The following FAM149B1 variants were observed in gnomAD, a reference collection of about 807,000 sequenced individuals.
FAM149B1 encodes the protein family with sequence similarity 149 member B1, also known as primary cilium assembly protein FAM149B1.
A neutral mutation model predicts 75.3 loss-of-function variants in FAM149B1; 56 were observed. That is an observed-to-expected ratio of 0.74 (90% CI 0.60 to 0.93). FAM149B1 has a LOEUF of 0.93. Ranked by LOEUF, FAM149B1 falls within the 40% of genes least tolerant of loss-of-function variation. The pLI is 0.00. For synonymous variants in FAM149B1, 259 were observed against 256.1 expected, an observed-to-expected ratio of 1.01 and a Z score of -0.11; for missense variants, 639 against 708.4, an observed-to-expected ratio of 0.90 and a Z score of 1.11.
chr10:73,182,343 T>A (rs2042420011), intron 3 of FAM149B1, among the ~76,000 whole-genome samples: 1 of 151,952 alleles, frequency 6.6e-6, no homozygotes, highest in Admixed American at 6.6e-5. Context: ...GCCTCCTGAG[T>A]AGCTGGGATT....
Position 73,224,231 on chromosome 10 carries a change from C to T in FAM149B1, c.899-3829C>T, listed in dbSNP as rs1485687717. Among the ~76,000 whole-genome samples, 4 of 152,244 alleles carry T rather than the reference C, an allele frequency of 2.6e-5. No homozygotes were observed. In the East Asian group the frequency reaches 5.8e-4, roughly 22 times the overall value. ...AACCATCCAGTCTCTGTTGCAACTA[C>T]TCAACTCTGCCCTTGTAGCATGAAA... is the stretch of plus-strand genomic sequence containing the variant. On this transcript the variant is annotated intron_variant, in intron 7 of 13. Transcript: ENST00000242505.
At chr10:73,197,936 T>C (rs2042847219) in intron 5 of FAM149B1, among the ~76,000 whole-genome samples, 1 of 152,168 alleles carries the variant, frequency 6.6e-6, no homozygotes, top group South Asian at 2.1e-4. Context: ...TACTTAGATA[T>C]ATATCCCAAC....
At chr10:73,188,762 GA>G (rs1157391034) in intron 3 of FAM149B1, among the ~76,000 whole-genome samples, 89 of 81,344 alleles carry the variant, frequency 1.1e-3, no homozygotes, top group African/African-American at 5.1e-3. Flanking sequence ...AGGAGGGAAG[GA>G]AGGAAGGAAG....
intron 5 of FAM149B1, chr10:73,200,634 A>G: frequency 1.6e-6 from 1 of 616,936 alleles, no homozygotes; most frequent in Non-Finnish European, 2.8e-6. Context: ...ACAAGTATTT[A>G]GGTTGTGTTG....
intron 5 of FAM149B1, among the ~76,000 whole-genome samples, chr10:73,202,863 T>C (rs2042972487): frequency 6.6e-6 from 1 of 152,042 alleles, no homozygotes; most frequent in African/African-American, 2.4e-5. Flanking sequence ...GCTAATTTTG[T>C]ATTTTTTGTA....
chr10:73,243,956 A>G lies in FAM149B1; in HGVS notation c.*2937A>G, dbSNP rs553467405. The G allele has an allele frequency of 8.8e-6, 14 of 1,584,898 alleles. No individual in the cohort carries two copies. The highest frequency in any genetic ancestry group is 1.7e-4 in the Middle Eastern group (1 of 5,966). On this transcript the variant is annotated 3_prime_UTR_variant, in exon 14 of 14. Transcript: ENST00000242505. Reference sequence around the variant, plus strand: ...TGAAACAGGAACTCACATGAGACTCAGGGCCACCAGGAAATGCTTAAAATA... The same window carrying G: ...TGAAACAGGAACTCACATGAGACTCGGGGCCACCAGGAAATGCTTAAAATA...
intron 12 of FAM149B1, among the ~76,000 whole-genome samples, chr10:73,237,306 G>A (rs1487108904): frequency 6.6e-6 from 1 of 152,198 alleles, no homozygotes; most frequent in Non-Finnish European, 1.5e-5. Flanking sequence ...TTGGGGTTCA[G>A]TGTGAACCCC....
intron 13 of FAM149B1, among the ~76,000 whole-genome samples, chr10:73,240,483 C>T (rs192299613): frequency 5.6e-4 from 86 of 152,218 alleles, no homozygotes; most frequent in African/African-American, 1.9e-3. Flanking sequence ...GAGGCCAAGG[C>T]GGGCGGATCA....
intron 6 of FAM149B1, 74 bp from the exon 7 acceptor site, chr10:73,210,177 A>G (rs2043156248): frequency 7.0e-6 from 7 of 995,632 alleles, no homozygotes; most frequent in Non-Finnish European, 1.0e-5. Context: ...ATTTTCAGGT[A>G]ATACACAGAC....
At position 73,184,059 on chromosome 10, in the gene FAM149B1, C is replaced by T. The variant is rs545649478; in HGVS notation, c.282+6084C>T. 9.1e-4 allele frequency among the ~76,000 whole-genome samples: 138 copies of T among 152,232 alleles called. 1 individual carries two copies. The highest frequency in any genetic ancestry group is 3.4e-3 in the Middle Eastern group (1 of 294). On this transcript the variant is annotated intron_variant, in intron 3 of 13. Transcript: ENST00000242505. ...GTCACAGGAGGCCTTGATAAGCTTT[C>T]CACACATCCACACAGGACTGACTAA...
intron 3 of FAM149B1, among the ~76,000 whole-genome samples, chr10:73,190,695 G>T (rs1234636031): frequency 6.6e-6 from 1 of 150,460 alleles, no homozygotes; most frequent in Non-Finnish European, 1.5e-5. Context: ...GATCAGATTT[G>T]CATTTTGTAA....
chr10:73,171,191 G>A (rs559492754), intron 1 of FAM149B1, among the ~76,000 whole-genome samples: 9 of 152,160 alleles, frequency 5.9e-5, no homozygotes, highest in South Asian at 2.1e-4. Flanking sequence ...TGTCTGCCTC[G>A]GTCTCCCAAA....
At chr10:73,193,909 G>A (rs1315666202) in intron 5 of FAM149B1, among the ~76,000 whole-genome samples, 1 of 152,164 alleles carries the variant, frequency 6.6e-6, no homozygotes, top group Non-Finnish European at 1.5e-5. Flanking sequence ...CCAAGGTCAA[G>A]GGGCAGGACC....
intron 9 of FAM149B1, among the ~76,000 whole-genome samples, chr10:73,231,923 G>GC (rs1554863489): frequency 1.5e-5 from 2 of 134,564 alleles, no homozygotes; most frequent in African/African-American, 6.2e-5. Context: ...GTTAGGGTGT[G>GC]TTAAAAAAAA....
intron 7 of FAM149B1, among the ~76,000 whole-genome samples, chr10:73,221,836 T>G (rs1404776332): frequency 6.6e-6 from 1 of 152,182 alleles, no homozygotes; most frequent in Non-Finnish European, 1.5e-5. Context: ...TATTCTTTTT[T>G]TTCTGTGTGT....
Position 73,228,078 on chromosome 10 carries a change from C to T in FAM149B1, c.917C>T (p.Ala306Val), listed in dbSNP as rs1326816660. 1.9e-6 allele frequency: 3 copies of T among 1,551,358 alleles called. No homozygotes were observed. The highest frequency in any genetic ancestry group is 4.9e-5 in the East Asian group (2 of 40,928). ...TGCCCAGATGATGAGAGTAATGTTG[C>T]AGTTACCAGACCCGATTCAGAAAGT... ...GFASDDESNV[A>V]VTRPDSESSC... Residue 306 changes from alanine to valine, a missense_variant, in exon 8 of 14, where the codon GCA becomes GTA. Ala to Val is a moderately conservative substitution (Grantham distance 64). Coordinates refer to ENST00000242505, the MANE Select transcript of FAM149B1 (RefSeq NM_173348.2).
rs1005470234 is a variant in FAM149B1, at chr10:73,177,921, T to C, written c.228T>C (p.Tyr76=). 1.7e-5 allele frequency: 26 copies of C among 1,551,610 alleles called. No homozygotes were observed. In the African/African-American group the frequency reaches 3.3e-4, roughly 20 times the overall value. ...TGNSLSAFPS[Y]TGAGISTEGS... ...ATTCACTGTCTGCTTTTCCAAGTTA[T>C]ACAGGCGCAGGGATATCTACTGAAG... is the stretch of plus-strand genomic sequence containing the variant. The change falls in exon 3 of 14, where the codon TAT becomes TAC. Residue 76 remains tyrosine, a synonymous_variant. Coordinates refer to ENST00000242505, the MANE Select transcript of FAM149B1 (RefSeq NM_173348.2).
At chr10:73,170,594 C>T (rs541459253) in intron 1 of FAM149B1, among the ~76,000 whole-genome samples, 8 of 152,212 alleles carry the variant, frequency 5.3e-5, no homozygotes, top group Admixed American at 2.6e-4. Flanking sequence ...TTTTCCTTGT[C>T]CCTTCGCACT....
intron 3 of FAM149B1, among the ~76,000 whole-genome samples, chr10:73,180,722 C>T (rs192943989): frequency 1.8e-3 from 272 of 152,214 alleles, no homozygotes; most frequent in Middle Eastern, 3.4e-3. Context: ...AAACAAAATC[C>T]ATTCCTTCAG....
Sources: gnomAD v4.1 joint callset for allele counts (sites outside exome capture counted in the v4.1 genomes callset) on GRCh38, gnomAD v4.1.1 for gene constraint, MANE v1.5 for transcripts, NCBI Gene and HGNC (gene_info 2026-07-23, HGNC 2026-07-21) for gene names.